The following LRTM2 variants were observed in gnomAD, a reference collection of about 807,000 sequenced individuals.
LRTM2 encodes the protein leucine rich repeat transmembrane protein 2.
Under a neutral mutation model 28.1 loss-of-function variants are expected in LRTM2, and 18 were observed. That is an observed-to-expected ratio of 0.64 (90% CI 0.44 to 0.95). LRTM2 has a LOEUF of 0.95. Among genes scored for constraint, LRTM2 ranks in the 40% least tolerant of loss-of-function variants. The pLI is 0.00. For missense variants in LRTM2, 436 were observed against 497.2 expected (o/e 0.88, Z 1.17); for synonymous variants, 250 against 218.7 (o/e 1.14, Z -1.26).
At chr12:1,822,829 G>A (rs562252952) in intron 1 of LRTM2, among the ~76,000 whole-genome samples, 236 of 152,252 alleles carry the variant, frequency 1.6e-3, no homozygotes, top group Non-Finnish European at 2.7e-3. Flanking sequence ...CAGCCTAGAC[G>A]GCTGTGGCAG....
At position 1,831,260 on chromosome 12, in the gene LRTM2, G is replaced by C; in HGVS notation, c.393G>C (p.Leu131=). Residue 131 remains leucine, a synonymous_variant, in exon 4 of 5, where the codon CTG becomes CTC. Coordinates refer to ENST00000299194, the MANE Select transcript of LRTM2 (RefSeq NM_001039029.3). The part of the protein sequence containing the change: ...LQLRNNSIRT[L]DRDLLRHSPL... Reference sequence around the variant, plus strand: ...TGCGCAATAACAGCATCAGGACCCTGGACAGGGACCTGCTGCGGCACTCGC... The same window carrying C: ...TGCGCAATAACAGCATCAGGACCCTCGACAGGGACCTGCTGCGGCACTCGC... The C allele has an allele frequency of 6.2e-7, 1 of 1,613,774 alleles. No homozygotes were observed. The highest frequency in any genetic ancestry group is 8.5e-7 in the Non-Finnish European group (1 of 1,180,038).
intron 1 of LRTM2, among the ~76,000 whole-genome samples, chr12:1,826,131 G>A (rs891306458): frequency 3.9e-5 from 6 of 152,084 alleles, no homozygotes; most frequent in African/African-American, 1.4e-4. Context: ...CAATAGACCT[G>A]CTGCTGACAC....
chr12:1,834,219 C>A lies in LRTM2; in HGVS notation c.659-48C>A, dbSNP rs1864751103. 6.6e-7 allele frequency: 1 copy of A among 1,513,376 alleles called. No homozygotes were observed. 93.7% of individuals were successfully genotyped at this position (1,513,376 alleles called of 1,614,324 possible). On this transcript the variant is annotated intron_variant, in intron 4 of 4. Coordinates refer to ENST00000299194, the MANE Select transcript of LRTM2 (RefSeq NM_001039029.3). The surrounding 1 kb of genome is among the most constrained non-coding windows in gnomAD (Gnocchi z 7.6). ...GAGCTGGGGATGGGGAGAGGGAGTG[C>A]AAGTTCTAGATGCCTGGTCAGCCCC...
rs747041293 is a variant in LRTM2, at chr12:1,828,248, G to A, written c.67+33G>A. On this transcript the variant is annotated intron_variant, in intron 3 of 4. Transcript: ENST00000299194. The surrounding 1 kb of genome is among the most constrained non-coding windows in gnomAD (Gnocchi z 4.2). ...CACCCCTGGCCTCGGAGGGGGGTGC[G>A]GGTTGGGTGGGGGTGCCGAGGTGAC... 1.1e-4 allele frequency: 174 copies of A among 1,518,042 alleles called. 2 individuals are homozygous for A. In the Middle Eastern group the frequency reaches 1.5e-3, roughly 14 times the overall value. 94.0% of individuals were successfully genotyped at this position (1,518,042 alleles called of 1,614,324 possible). A position where few individuals can be genotyped will look rare whatever the true frequency, so the allele number is the denominator to read the frequency against.
rs1307579094 is a variant in LRTM2, at chr12:1,830,925, TCC to T, written c.68-8_68-7del. The T allele has an allele frequency of 2.5e-6, 4 of 1,586,318 alleles. No homozygotes were observed. The highest frequency in any genetic ancestry group is 3.4e-6 in the Non-Finnish European group (4 of 1,161,106). ...TTGCTTTCTTTCCCCCGTCTGTCCC[TCC>T]CACCAAGGGATCACCTGCTGGATCG... On this transcript the variant is annotated splice_region_variant and splice_polypyrimidine_tract_variant and intron_variant, in intron 3 of 4. Coordinates refer to ENST00000299194, the MANE Select transcript of LRTM2 (RefSeq NM_001039029.3).
Position 1,834,428 on chromosome 12 carries a change from C to G in LRTM2, c.820C>G (p.Pro274Ala). Residue 274 changes from proline (P) to alanine (A), a missense_variant, in exon 5 of 5, where the codon CCA becomes GCA. Transcript: ENST00000299194. The surrounding 1 kb of genome is among the most constrained non-coding windows in gnomAD (Gnocchi z 7.6). ...IPGPPCTKAS[P>A]EPAKPKPGAE... ...TGGGCCACCCTGCACCAAGGCCAGT[C>G]CAGAGCCTGCTAAGCCCAAGCCCGG... is the stretch of plus-strand genomic sequence containing the variant. 1 of 1,612,828 alleles carries G rather than the reference C, an allele frequency of 6.2e-7. No individual in the cohort carries two copies. Among genetic ancestry groups the G allele is most frequent in the Non-Finnish European group, 8.5e-7 (1 of 1,179,990 alleles).
rs968017823 is a variant in LRTM2 at position 1,828,022 on chromosome 12, G to A, written c.-73-54G>A. The stretch of plus-strand genomic sequence containing the variant: ...ACCCGGGCCCTCTCCCTAACCCCTG[G>A]GCTGGAACGGGGCTCCCGCGCCTGC... On this transcript the variant is annotated intron_variant, in intron 2 of 4. Coordinates refer to ENST00000299194, the MANE Select transcript of LRTM2 (RefSeq NM_001039029.3). This position sits in a 1 kb window ranked among gnomAD's most constrained non-coding sequence, Gnocchi z 4.2. The A allele has an allele frequency of 3.9e-6, 3 of 777,426 alleles. No homozygotes were observed. In the African/African-American group the frequency reaches 5.4e-5, roughly 14 times the overall value. 48.2% of individuals were successfully genotyped at this position (777,426 alleles called of 1,614,324 possible).
rs971746431 is a variant in LRTM2 at position 1,833,815 on chromosome 12, C to T, written c.659-452C>T. ...GAAGGATAAGATGCTGTGTTGAGAA[C>T]GGTATCCTGGGCTCACAGACAGGTG... On this transcript the variant is annotated intron_variant, in intron 4 of 4. Transcript: ENST00000299194. The surrounding 1 kb of genome is among the most constrained non-coding windows in gnomAD (Gnocchi z 4.2). Among the ~76,000 whole-genome samples, 1 of 152,130 alleles carries T rather than the reference C, an allele frequency of 6.6e-6. No individual in the cohort carries two copies. Among genetic ancestry groups the T allele is most frequent in the East Asian group, 1.9e-4 (1 of 5,190 alleles).
chr12:1,825,831 G>A (rs1314281177), intron 1 of LRTM2, among the ~76,000 whole-genome samples: 2 of 117,620 alleles, frequency 1.7e-5, no homozygotes, highest in Admixed American at 9.2e-5. Context: ...TCTGAAACCT[G>A]CAATCCAGTC....
chr12:1,822,703 AAT>A (rs1841701160), intron 1 of LRTM2, among the ~76,000 whole-genome samples: 1 of 152,216 alleles, frequency 6.6e-6, no homozygotes, highest in South Asian at 2.1e-4. Context: ...TCCAAGTACA[AAT>A]ATAGAGATTT....
chr12:1,825,427 G>GTC (rs1451685014), intron 1 of LRTM2, among the ~76,000 whole-genome samples: 1 of 152,232 alleles, frequency 6.6e-6, no homozygotes, highest in Non-Finnish European at 1.5e-5. Flanking sequence ...CAGAGGAGGT[G>GTC]TCTTATGGGT....
At chr12:1,826,050 G>T (rs754289932) in intron 1 of LRTM2, among the ~76,000 whole-genome samples, 2 of 152,194 alleles carry the variant, frequency 1.3e-5, no homozygotes, top group African/African-American at 4.8e-5. Context: ...AGACTCCACA[G>T]GCCCGGGGTG....
chr12:1,828,364 G>A lies in LRTM2; in HGVS notation c.67+149G>A, dbSNP rs1230854931. 2 of 675,006 alleles carry A rather than the reference G, an allele frequency of 3.0e-6. No homozygotes were observed. The highest frequency in any genetic ancestry group is 4.7e-6 in the Non-Finnish European group (2 of 426,566). The allele number at this position is 675,006 out of a possible 1,614,324, so 41.8% of individuals were successfully genotyped here. ...CTGGGGTACCCGAGGCTATGTTCTGGGAAGCCAGGGTCACGCCCACGGTGA... is the reference window on the plus strand; with the variant it reads ...CTGGGGTACCCGAGGCTATGTTCTGAGAAGCCAGGGTCACGCCCACGGTGA... On this transcript the variant is annotated intron_variant, in intron 3 of 4. Transcript: ENST00000299194. This position sits in a 1 kb window ranked among gnomAD's most constrained non-coding sequence, Gnocchi z 4.2.
At chr12:1,826,450 C>A (rs1333890447) in intron 1 of LRTM2, among the ~76,000 whole-genome samples, 1 of 130,208 alleles carries the variant, frequency 7.7e-6, no homozygotes, top group Non-Finnish European at 1.6e-5. Context: ...TGGAGCCTGG[C>A]CTTGAGACAG....
rs74602777 is a variant in LRTM2 at position 1,823,668 on chromosome 12, A to C, written c.-259+2854A>C. Among the ~76,000 whole-genome samples, 1,489 of 152,192 alleles carry C rather than the reference A, an allele frequency of 9.8e-3. 28 individuals carry two copies. Among genetic ancestry groups the C allele is most frequent in the African/African-American group, 0.034 (1,403 of 41,510 alleles). ...TCTAGAAAGCCCCCCACCTTCCGTAAGATCTTGGCCTCCCAGGACTTCAAG... is the reference window on the plus strand; with the variant it reads ...TCTAGAAAGCCCCCCACCTTCCGTACGATCTTGGCCTCCCAGGACTTCAAG... On this transcript the variant is annotated intron_variant, in intron 1 of 4. Coordinates refer to ENST00000299194, the MANE Select transcript of LRTM2 (RefSeq NM_001039029.3).
Position 1,828,243 on chromosome 12 carries a change from G to T in LRTM2, c.67+28G>T, listed in dbSNP as rs1487281757. 1 of 1,527,574 alleles carries T rather than the reference G, an allele frequency of 6.5e-7. No homozygotes were observed. The highest frequency in any genetic ancestry group is 2.1e-5 in the Admixed American group (1 of 48,502). The allele number at this position is 1,527,574 out of a possible 1,614,324, so 94.6% of individuals were successfully genotyped here. A position where few individuals can be genotyped will look rare whatever the true frequency, so the allele number is the denominator to read the frequency against. Reference sequence around the variant, plus strand: ...GAGTACACCCCTGGCCTCGGAGGGGGGTGCGGGTTGGGTGGGGGTGCCGAG... The same window carrying T: ...GAGTACACCCCTGGCCTCGGAGGGGTGTGCGGGTTGGGTGGGGGTGCCGAG... On this transcript the variant is annotated intron_variant, in intron 3 of 4. Transcript: ENST00000299194. The surrounding 1 kb of genome is among the most constrained non-coding windows in gnomAD (Gnocchi z 4.2).
rs1452275410 is a variant in LRTM2 at position 1,829,803 on chromosome 12, C to T, written c.68-1132C>T. Among the ~76,000 whole-genome samples the T allele has an allele frequency of 6.6e-6, 1 of 151,780 alleles. No individual in the cohort carries two copies. Among genetic ancestry groups the T allele is most frequent in the Non-Finnish European group, 1.5e-5 (1 of 67,914 alleles). On this transcript the variant is annotated intron_variant, in intron 3 of 4. Coordinates refer to ENST00000299194, the MANE Select transcript of LRTM2 (RefSeq NM_001039029.3). The surrounding 1 kb of genome is among the most constrained non-coding windows in gnomAD (Gnocchi z 4.2). ...CAGTTCTCTGGCTGGGGTCTTTTCT[C>T]TAGGCTGGGTGGAACTGACCTCGGC...
intron 4 of LRTM2, 131 bp downstream of exon 4, chr12:1,831,656 G>C: frequency 1.4e-6 from 1 of 733,628 alleles, no homozygotes; most frequent in Non-Finnish European, 2.2e-6. Context: ...CCCTGCCTCT[G>C]TGCCAGCTCG....
At chr12:1,821,095 AGTCCCGGGTGGCATAGAAACCG>A (rs1864081551) in intron 1 of LRTM2, among the ~76,000 whole-genome samples, 1 of 152,186 alleles carries the variant, frequency 6.6e-6, no homozygotes, top group Admixed American at 6.5e-5. Flanking sequence ...GCCAGATGAC[AGTCCCGGGTGGCATAGAAACCG>A]GTCCCTGCAG....
Sources: gnomAD v4.1 joint callset for allele counts (sites outside exome capture counted in the v4.1 genomes callset) on GRCh38, gnomAD v4.1.1 for gene constraint, Gnocchi (gnomAD v3.1) non-coding constraint, MANE v1.5 for transcripts, NCBI Gene and HGNC (gene_info 2026-07-23, HGNC 2026-07-21) for gene names.